PAH: variants seen among roughly 807,000 people sequenced by gnomAD.
PAH encodes the protein phenylalanine-4-hydroxylase.
In PAH, 64 loss-of-function variants were observed where a neutral mutation model predicts 62.0. The ratio of observed to expected loss-of-function variants is 1.03; its 90% CI spans 0.84 to 1.27. The LOEUF (loss-of-function observed/expected upper bound fraction) is 1.27. Among genes scored for constraint, PAH ranks in the 50% most tolerant of loss-of-function variants. The pLI is 0.00. For synonymous variants in PAH, 195 were observed against 196.2 expected, an observed-to-expected ratio of 0.99 and a Z score of 0.05; for missense variants, 579 against 542.8, an observed-to-expected ratio of 1.07 and a Z score of -0.66.
At chr12:102,934,677 G>C (rs1592998822) in intron 1 of PAH, among the ~76,000 whole-genome samples, 2 of 151,834 alleles carry the variant, frequency 1.3e-5, no homozygotes, top group East Asian at 3.9e-4. Flanking sequence ...TTTATTTGTG[G>C]ATATTGTAAA....
chr12:102,862,264 G>A (rs933040538), intron 5 of PAH, among the ~76,000 whole-genome samples: 1 of 152,134 alleles, frequency 6.6e-6, no homozygotes, highest in African/African-American at 2.4e-5. Context: ...CATGGATGGA[G>A]CTGGAGGCCA....
intron 1 of PAH, chr12:102,923,531 G>A (rs779262982): frequency 6.6e-6 from 1 of 152,114 alleles, no homozygotes; most frequent in Non-Finnish European, 1.5e-5. Context: ...CAAATGTTAG[G>A]TACCCAGGCA....
At chr12:102,943,575 G>A (rs552181025) in intron 1 of PAH, among the ~76,000 whole-genome samples, 31 of 152,080 alleles carry the variant, frequency 2.0e-4, no homozygotes, top group Non-Finnish European at 4.0e-4. Flanking sequence ...ATACCCAAAG[G>A]AATATAAATC....
rs2136701578 is a variant in PAH at position 102,894,779 on chromosome 12, C to T, written c.308G>A (p.Gly103Asp). ...NIIKILRHDI[G>D]ATVHELSRDK... ...TCGTGAAAGCTCATGGACAGTGGCA[C>T]CAATGTCATGCCTCAAGATCTTGAT... Residue 103 changes from glycine (G) to aspartate (D), a missense_variant, in exon 3 of 13, where the codon GGT (glycine) becomes GAT (aspartate). Transcript: ENST00000553106. The T allele has an allele frequency of 1.2e-6, 2 of 1,614,090 alleles. No homozygotes were observed. The highest frequency in any genetic ancestry group is 1.7e-6 in the Non-Finnish European group (2 of 1,179,996).
chr12:102,851,515 C>T (rs189190701), intron 8 of PAH, among the ~76,000 whole-genome samples, 172 bp downstream of exon 8: 5 of 152,222 alleles, frequency 3.3e-5, no homozygotes, highest in Admixed American at 1.3e-4. Context: ...GCTTGATCTC[C>T]GAAATGGGTA....
At chr12:102,948,130 G>A (rs4764921) in intron 1 of PAH, among the ~76,000 whole-genome samples, 22,294 of 152,254 alleles carry the variant, frequency 0.15, 2,464 homozygotes, top group African/African-American at 0.28. Flanking sequence ...TCAGAGGGCT[G>A]AAGGTGGTCA....
intron 1 of PAH, among the ~76,000 whole-genome samples, chr12:102,939,447 T>A (rs907650762): frequency 1.3e-5 from 2 of 152,146 alleles, no homozygotes; most frequent in African/African-American, 4.8e-5. Flanking sequence ...AACGTTCCCA[T>A]TGGCAGCACC....
intron 3 of PAH, among the ~76,000 whole-genome samples, chr12:102,889,056 C>G (rs1010145492): frequency 5.3e-5 from 8 of 152,144 alleles, no homozygotes; most frequent in Middle Eastern, 3.4e-3. Flanking sequence ...AAAACTCTAA[C>G]CAGATGGATT....
At chr12:102,840,590 AT>A in intron 11 of PAH, 75 bp from the exon 12 acceptor site, 1 of 1,023,244 alleles carries the variant, frequency 9.8e-7, no homozygotes, top group Non-Finnish European at 1.6e-6. Flanking sequence ...TCTCAGTGGC[AT>A]TTTACTTCTT....
At position 102,957,696 on chromosome 12, in the gene PAH, G is replaced by C. The variant is rs1412580522; in HGVS notation, c.-96+499C>G. ...CCCAGCACTCTCTCACTTCTGGCCA[G>C]GGAACGTGGAAGGCGCACCGACAGG... On this transcript the variant is annotated intron_variant, in intron 1 of 4. Coordinates refer to the PAH transcript ENST00000551337. The surrounding 1 kb of genome is among the most constrained non-coding windows in gnomAD (Gnocchi z 4.1). 1.3e-5 allele frequency: 2 copies of C among 152,680 alleles called. No homozygotes were observed. The highest frequency in any genetic ancestry group is 2.9e-5 in the Non-Finnish European group (2 of 68,242). 9.5% of individuals were successfully genotyped at this position (152,680 alleles called of 1,614,324 possible).
chr12:102,837,938 T>C lies in PAH; in HGVS notation c.*1237A>G, dbSNP rs937433903. The C allele has an allele frequency of 2.6e-5, 4 of 152,196 alleles. No individual in the cohort carries two copies. The highest frequency in any genetic ancestry group is 1.5e-5 in the Non-Finnish European group (1 of 68,026). 9.4% of individuals were successfully genotyped at this position (152,196 alleles called of 1,614,324 possible). ...TTCAAATTGGGTGGAGCTGGGAAGG[T>C]ACCCAGAATTTGCTGTTGATGATAC... is the stretch of plus-strand genomic sequence containing the variant. On this transcript the variant is annotated 3_prime_UTR_variant, in exon 13 of 13. Transcript: ENST00000553106.
At chr12:102,892,897 A>G (rs566309729) in intron 3 of PAH, among the ~76,000 whole-genome samples, 1 of 152,374 alleles carries the variant, frequency 6.6e-6, no homozygotes, top group African/African-American at 2.4e-5. Context: ...GTCAAAACCA[A>G]TAAAACTGTA....
At chr12:102,952,302 C>G (rs1351037613), upstream of PAH, among the ~76,000 whole-genome samples, 2 of 151,858 alleles carry the variant, frequency 1.3e-5, no homozygotes, top group Non-Finnish European at 2.9e-5. Context: ...AAAAAATGCA[C>G]CATTTATTGT....
intron 4 of PAH, among the ~76,000 whole-genome samples, chr12:102,871,642 G>T (rs147502517): frequency 0.011 from 1,611 of 152,126 alleles, 16 homozygotes; most frequent in South Asian, 0.017. Context: ...TGCAAAACAG[G>T]CCAGGTGCAG....
intron 9 of PAH, among the ~76,000 whole-genome samples, chr12:102,846,505 C>A (rs569714892): frequency 6.6e-6 from 1 of 152,170 alleles, no homozygotes; most frequent in Non-Finnish European, 1.5e-5. Context: ...ATTTCTCCCT[C>A]ATGTCTGAGA....
Position 102,924,427 on chromosome 12 carries a change from C to T in PAH, c.-95-7202G>A, listed in dbSNP as rs185615646. ...TTTTATGCATTTGTAAAGAATTTAA[C>T]AAATGGAGATGTTAGAGACAATTTC... On this transcript the variant is annotated intron_variant, in intron 1 of 3. Coordinates refer to the PAH transcript ENST00000546844. Among the ~76,000 whole-genome samples the T allele has an allele frequency of 2.0e-5, 3 of 152,176 alleles. No individual in the cohort carries two copies. In the East Asian group the frequency reaches 5.8e-4, roughly 29 times the overall value.
At chr12:102,888,779 C>T (rs1877142003) in intron 3 of PAH, among the ~76,000 whole-genome samples, 2 of 151,862 alleles carry the variant, frequency 1.3e-5, no homozygotes, top group African/African-American at 2.4e-5. Flanking sequence ...GGACTTAGTG[C>T]TACATCAGTG....
intron 4 of PAH, among the ~76,000 whole-genome samples, chr12:102,873,155 G>A (rs902140147): frequency 2.0e-5 from 3 of 152,198 alleles, no homozygotes; most frequent in Admixed American, 1.3e-4. Context: ...TGTGGCAGAG[G>A]TTGCTGGTGC....
At chr12:102,949,487 A>G (rs1879651161) in intron 1 of PAH, among the ~76,000 whole-genome samples, 1 of 152,220 alleles carries the variant, frequency 6.6e-6, no homozygotes, top group African/African-American at 2.4e-5. Context: ...CTCTCATTTT[A>G]TAGAGCCTGA....
Sources: allele counts gnomAD v4.1 joint callset (sites outside exome capture counted in the v4.1 genomes callset), GRCh38; gene constraint gnomAD v4.1.1; non-coding constraint Gnocchi (gnomAD v3.1); transcripts MANE v1.5; gene names NCBI Gene and HGNC (gene_info 2026-07-23, HGNC 2026-07-21).